The following ZC3H7A variants were observed in gnomAD, a reference collection of about 807,000 sequenced individuals.
The protein encoded by ZC3H7A is zinc finger CCCH-type containing 7A, also known as zinc finger CCCH domain-containing protein 7A.
ZC3H7A carries 44 observed loss-of-function variants against 125.5 expected under a neutral mutation model. The observed-to-expected ratio is 0.35, with a 90% CI of 0.28 to 0.45. ZC3H7A has a LOEUF of 0.45. ZC3H7A is among the 20% of genes least tolerant of loss of function. The pLI is 1.00. For missense variants in ZC3H7A, 977 were observed against 1,170.7 expected (o/e 0.83, Z 2.41); for synonymous variants, 399 against 391.2 (o/e 1.02, Z -0.23).
At chr16:11,767,639 T>A in intron 12 of ZC3H7A, 61 bp from the exon 13 acceptor site, 3 of 1,449,860 alleles carry the variant, frequency 2.1e-6, no homozygotes, top group Non-Finnish European at 2.8e-6. Flanking sequence ...ATTTTACAGG[T>A]AAATTTACAA....
chr16:11,760,536 C>A (rs919983563), intron 19 of ZC3H7A, among the ~76,000 whole-genome samples: 10 of 152,212 alleles, frequency 6.6e-5, no homozygotes, highest in African/African-American at 2.4e-4. Flanking sequence ...AATACATCTA[C>A]CTCTTCTTCA....
At position 11,769,710 on chromosome 16, in the gene ZC3H7A, C is replaced by CAAAAAAAAAAAAAAAAAAAAAAA. The variant is rs529124830; in HGVS notation, c.1109-616_1109-615insTTTTTTTTTTTTTTTTTTTTTTT. On this transcript the variant is annotated intron_variant, in intron 10 of 22. Transcript: ENST00000355758. ...TGGGCAACAGAGTGAGACTCTGTCT[C>CAAAAAAAAAAAAAAAAAAAAAAA]AAAAAAAAAAAAAAAAAAAGCAGGA... is the stretch of plus-strand genomic sequence containing the variant. 9.5e-4 allele frequency among the ~76,000 whole-genome samples: 31 copies of CAAAAAAAAAAAAAAAAAAAAAAA among 32,538 alleles called. 1 individual carries two copies. The highest frequency in any genetic ancestry group is 4.0e-3 in the East Asian group (2 of 500). The allele number at this position is 32,538 out of a possible 152,430, so 21.3% of individuals were successfully genotyped here.
intron 2 of ZC3H7A, among the ~76,000 whole-genome samples, chr16:11,781,673 T>TAC (rs2053176308): frequency 3.4e-5 from 5 of 146,438 alleles, no homozygotes; most frequent in South Asian, 2.2e-4. Flanking sequence ...TATATATATA[T>TAC]ACTATTCCTT....
At chr16:11,762,210 C>A (rs2052764197) in intron 17 of ZC3H7A, among the ~76,000 whole-genome samples, 167 bp from the exon 18 acceptor site, 2 of 151,984 alleles carry the variant, frequency 1.3e-5, no homozygotes, top group African/African-American at 4.8e-5. Context: ...AATTCTCCCC[C>A]CAAATGTAAG....
At chr16:11,794,503 T>A (rs1440093746) in intron 1 of ZC3H7A, among the ~76,000 whole-genome samples, 1 of 151,432 alleles carries the variant, frequency 6.6e-6, no homozygotes, top group Non-Finnish European at 1.5e-5. Context: ...ACACTTTAAG[T>A]AATTTTCATA....
rs372342271 is a variant in ZC3H7A, at chr16:11,779,385, C to T, written c.109-22G>A. ...ATACCTAAAAAAAAGAAAGTTACCACTTGAAGCCTTTTATCAAACAAGATA... is the reference window on the plus strand; with the variant it reads ...ATACCTAAAAAAAAGAAAGTTACCATTTGAAGCCTTTTATCAAACAAGATA... On this transcript the variant is annotated intron_variant, in intron 3 of 22. Transcript: ENST00000355758. 6.9e-6 allele frequency: 11 copies of T among 1,596,538 alleles called. No homozygotes were observed. In the South Asian group the frequency reaches 9.1e-5, roughly 13 times the overall value.
At chr16:11,789,365 C>T (rs1208952583) in intron 1 of ZC3H7A, among the ~76,000 whole-genome samples, 1 of 152,124 alleles carries the variant, frequency 6.6e-6, no homozygotes, top group Non-Finnish European at 1.5e-5. Context: ...AGCAATTCTA[C>T]TGCCTCAGCC....
At chr16:11,763,250 G>C (rs1191803891) in intron 16 of ZC3H7A, 1 of 335,900 alleles carries the variant, frequency 3.0e-6, no homozygotes, top group Non-Finnish European at 5.4e-6. Context: ...TGGTATTACA[G>C]GCGCCCACCA....
intron 1 of ZC3H7A, among the ~76,000 whole-genome samples, chr16:11,793,105 T>G: frequency 6.6e-6 from 1 of 152,212 alleles, no homozygotes; most frequent in Middle Eastern, 3.4e-3. Context: ...TGTATTTAAA[T>G]ACAAATAATA....
chr16:11,794,226 T>C (rs544700560), intron 1 of ZC3H7A, among the ~76,000 whole-genome samples: 1 of 152,320 alleles, frequency 6.6e-6, no homozygotes, highest in East Asian at 1.9e-4. Context: ...CAACACACTC[T>C]CACCTTCTTA....
intron 10 of ZC3H7A, among the ~76,000 whole-genome samples, chr16:11,770,547 A>G (rs1402919156): frequency 2.0e-5 from 3 of 152,182 alleles, no homozygotes. Context: ...AAACTATCCT[A>G]CAGAAACACC....
intron 1 of ZC3H7A, among the ~76,000 whole-genome samples, chr16:11,790,135 G>C (rs1172782217): frequency 6.9e-6 from 1 of 145,352 alleles, no homozygotes; most frequent in Admixed American, 6.9e-5. Context: ...ATATGTATTT[G>C]TTTATTTTGC....
chr16:11,770,487 G>A, intron 10 of ZC3H7A, among the ~76,000 whole-genome samples: 1 of 152,066 alleles, frequency 6.6e-6, no homozygotes, highest in East Asian at 1.9e-4. Context: ...CACCTTTACG[G>A]GAGAATACAT....
intron 4 of ZC3H7A, among the ~76,000 whole-genome samples, chr16:11,778,707 A>AT (rs1463744724): frequency 6.6e-6 from 1 of 151,796 alleles, no homozygotes; most frequent in East Asian, 1.9e-4. Flanking sequence ...GCTAATTTTT[A>AT]TTTTTTTATT....
At chr16:11,788,746 TG>T (rs1196950095) in intron 1 of ZC3H7A, among the ~76,000 whole-genome samples, 14 of 151,942 alleles carry the variant, frequency 9.2e-5, no homozygotes, top group East Asian at 5.8e-4. Flanking sequence ...CCCCAGTATC[TG>T]GGGTTACAGG....
chr16:11,762,187 T>A (rs1472122893), intron 17 of ZC3H7A, 144 bp from the exon 18 acceptor site: 2 of 806,216 alleles, frequency 2.5e-6, no homozygotes, highest in Non-Finnish European at 3.7e-6. Context: ...TTATATCTGA[T>A]AACTAAATCT....
chr16:11,779,359 T>A lies in ZC3H7A; in HGVS notation c.113A>T (p.Tyr38Phe), dbSNP rs1163637804. The A allele has an allele frequency of 6.2e-7, 1 of 1,607,108 alleles. No individual in the cohort carries two copies. Among genetic ancestry groups the A allele is most frequent in the South Asian group, 1.1e-5 (1 of 88,900 alleles). The change falls in exon 4 of 23, where the codon TAT becomes TTT. Residue 38 changes from tyrosine (Y) to phenylalanine (F), a missense_variant. Physicochemically the swap from Tyr to Phe is conservative, Grantham distance 22. Coordinates refer to ENST00000355758, the MANE Select transcript of ZC3H7A (RefSeq NM_014153.4). Reference sequence around the variant, plus strand: ...AAGATTTCTCACGAGAGCACGCAAATATACCTAAAAAAAAGAAAGTTACCA... The same window carrying A: ...AAGATTTCTCACGAGAGCACGCAAAAATACCTAAAAAAAAGAAAGTTACCA... ...YPGTQEQYAV[Y>F]LRALVRNLFN...
At chr16:11,773,494 CA>C (rs2053022766) in intron 9 of ZC3H7A, among the ~76,000 whole-genome samples, 1 of 151,890 alleles carries the variant, frequency 6.6e-6, no homozygotes, top group Non-Finnish European at 1.5e-5. Context: ...GCAAGCCATA[CA>C]AAAACAGGTA....
intron 11 of ZC3H7A, 131 bp from the exon 12 acceptor site, chr16:11,768,632 T>A: frequency 1.3e-6 from 1 of 773,018 alleles, no homozygotes; most frequent in Non-Finnish European, 1.8e-6. Context: ...ACTCCATCCT[T>A]AATGCTCTTC....
Sources: gnomAD v4.1 joint callset for allele counts (sites outside exome capture counted in the v4.1 genomes callset) on GRCh38, gnomAD v4.1.1 for gene constraint, MANE v1.5 for transcripts, NCBI Gene and HGNC (gene_info 2026-07-23, HGNC 2026-07-21) for gene names.